Variants in STRA6 observed in about 807,000 individuals in gnomAD.
STRA6 encodes signaling receptor and transporter of retinol STRA6.
A neutral mutation model predicts 83.6 loss-of-function variants in STRA6; 48 were observed. The observed-to-expected ratio is 0.57, with a 90% CI of 0.46 to 0.73. The LOEUF is 0.73. STRA6 is among the 30% of genes least tolerant of loss of function. The pLI, the probability that STRA6 is intolerant of heterozygous loss-of-function variation, is 0.00. For missense variants in STRA6, 760 were observed against 838.8 expected (o/e 0.91, Z 1.16); for synonymous variants, 353 against 362.3 (o/e 0.97, Z 0.29).
Position 74,183,839 on chromosome 15 carries a change from G to A in STRA6, c.1300+17C>T, listed in dbSNP as rs369716171. On this transcript the variant is annotated intron_variant, in intron 14 of 18. Coordinates refer to ENST00000395105, the MANE Select transcript of STRA6 (RefSeq NM_022369.4). The stretch of plus-strand genomic sequence containing the variant: ...GGCCCAGGCCAAGGCTGGGTGTGGC[G>A]GGCAAGGGAGGCTCACCAAGGCAGA... 72 of 1,613,762 alleles carry A rather than the reference G, an allele frequency of 4.5e-5. No individual in the cohort carries two copies. The highest frequency in any genetic ancestry group is 1.6e-4 in the South Asian group (15 of 91,076).
chr15:74,190,968 C>A, intron 10 of STRA6, 67 bp from the exon 11 acceptor site: 8 of 1,607,464 alleles, frequency 5.0e-6, no homozygotes, highest in South Asian at 1.1e-5. Context: ...TCCTCCCTCC[C>A]AAGGGGCCCA....
intron 2 of STRA6, 108 bp from the exon 3 acceptor site, chr15:74,197,926 C>T (rs1005527007): frequency 3.8e-5 from 44 of 1,162,704 alleles, no homozygotes; most frequent in Non-Finnish European, 5.4e-5. Context: ...CACTACCTCC[C>T]TCAACCCTCT....
At position 74,207,933 on chromosome 15, in the gene STRA6, C is replaced by G. The variant is rs1447487898; in HGVS notation, c.-16+867G>C. ...CTCACGGCAGGAAGAGTATGGGTGA[C>G]TCTCCACCTCCTGTCTCTCTACCTC... On this transcript the variant is annotated intron_variant, in intron 1 of 18. Coordinates refer to the STRA6 transcript ENST00000323940. 4 of 1,461,252 alleles carry G rather than the reference C, an allele frequency of 2.7e-6. No homozygotes were observed. The Admixed American group carries it at 8.8e-5, about 32-fold the overall frequency. The allele number at this position is 1,461,252 out of a possible 1,614,324, so 90.5% of individuals were successfully genotyped here.
intron 7 of STRA6, chr15:74,195,047 C>G: frequency 6.9e-7 from 1 of 1,444,660 alleles, no homozygotes; most frequent in East Asian, 2.5e-5. Context: ...CTTCCCCCTA[C>G]TCTGCCCACT....
At chr15:74,211,661 C>T (rs1432070310), upstream of STRA6, among the ~76,000 whole-genome samples, 2 of 152,124 alleles carry the variant, frequency 1.3e-5, no homozygotes, top group South Asian at 4.1e-4. Context: ...ACCTCGGCCT[C>T]CCAAAGTGCT....
chr15:74,208,463 G>C (rs2074311961), intron 1 of STRA6, among the ~76,000 whole-genome samples: 2 of 152,148 alleles, frequency 1.3e-5, no homozygotes, highest in South Asian at 2.1e-4. Context: ...CTGCTGGGCA[G>C]ATCCCCTGAC....
chr15:74,195,729 A>T, intron 5 of STRA6, 54 bp from the exon 6 acceptor site: 2 of 994,458 alleles, frequency 2.0e-6, no homozygotes, highest in South Asian at 1.4e-5. Context: ...GAGAAGGTGG[A>T]TATATAATGC....
chr15:74,195,342 AC>A lies in STRA6; in HGVS notation c.556del (p.Val186SerfsTer34). ...GSTLSWAHLG[V>X]QVWQRAECPQ... ...ACACTCTGCCCTCTGCCAGACCTGG[AC>A]CCCAAGGTGGGCCCAGGACAGCGTG... On this transcript the variant is annotated frameshift_variant, in exon 7 of 19. Coordinates refer to ENST00000395105, the MANE Select transcript of STRA6 (RefSeq NM_022369.4). LOFTEE classifies it high-confidence loss of function. 6.2e-7 allele frequency: 1 copy of A among 1,613,316 alleles called. No homozygotes were observed. Among genetic ancestry groups the A allele is most frequent in the African/African-American group, 1.3e-5 (1 of 74,976 alleles).
At chr15:74,196,594 A>G (rs2073833764) in intron 4 of STRA6, among the ~76,000 whole-genome samples, 1 of 152,166 alleles carries the variant, frequency 6.6e-6, no homozygotes, top group Non-Finnish European at 1.5e-5. Flanking sequence ...AGGGCAAGCC[A>G]CTCAGACCCA....
At chr15:74,196,745 C>A (rs2073839159) in intron 4 of STRA6, among the ~76,000 whole-genome samples, 1 of 152,216 alleles carries the variant, frequency 6.6e-6, no homozygotes, top group Non-Finnish European at 1.5e-5. Flanking sequence ...GCAAGACCTG[C>A]CTCGGTGCAC....
At chr15:74,181,018 A>G in intron 17 of STRA6, 81 bp from the exon 18 acceptor site, 1 of 1,574,050 alleles carries the variant, frequency 6.4e-7, no homozygotes, top group African/African-American at 1.3e-5. Flanking sequence ...ACACACACAC[A>G]GGGAGTGCAC....
intron 8 of STRA6, chr15:74,191,761 C>G (rs2073552735): frequency 1.8e-6 from 1 of 555,456 alleles, no homozygotes; most frequent in South Asian, 2.0e-5. Flanking sequence ...GTCTCCAACT[C>G]TCGCCTGCTT....
At chr15:74,181,188 G>A in intron 17 of STRA6, 107 bp downstream of exon 17, 2 of 1,510,346 alleles carry the variant, frequency 1.3e-6, no homozygotes, top group Non-Finnish European at 1.8e-6. Context: ...TGCAGCTACA[G>A]GCATCGGTGT....
chr15:74,196,436 A>G (rs1198949945), intron 4 of STRA6: 5 of 469,460 alleles, frequency 1.1e-5, no homozygotes, highest in South Asian at 6.4e-5. Flanking sequence ...CCTCCACACT[A>G]ATTGGTCTGT....
At chr15:74,209,522 G>A, upstream of STRA6, 1 of 1,328,044 alleles carries the variant, frequency 7.5e-7, no homozygotes, top group South Asian at 1.3e-5. Flanking sequence ...GGGCTTCAGG[G>A]CTGGAATTCC....
upstream of STRA6, among the ~76,000 whole-genome samples, chr15:74,205,639 G>A (rs1245108912): frequency 1.3e-5 from 2 of 152,212 alleles, no homozygotes; most frequent in Non-Finnish European, 2.9e-5. Context: ...ACCATATCGG[G>A]CACTGAAGAA....
rs539548692 is a variant in STRA6, at chr15:74,184,209, C to T, written c.1167-220G>A. Among the ~76,000 whole-genome samples, 10 of 152,296 alleles carry T rather than the reference C, an allele frequency of 6.6e-5. No homozygotes were observed. In the South Asian group the frequency reaches 1.5e-3, roughly 22 times the overall value. ...TAAACAGTGAACGAGGAATACAAAA[C>T]GAGGCAGAAGGCTCAACCTGAGCCA... On this transcript the variant is annotated intron_variant, in intron 13 of 18. Coordinates refer to ENST00000395105, the MANE Select transcript of STRA6 (RefSeq NM_022369.4).
In STRA6 at chr15:74,189,215, G is replaced by A; in HGVS notation, c.990C>T (p.Thr330=). The change falls in exon 12 of 19, where the codon ACC becomes ACT. Residue 330 remains threonine, a synonymous_variant. Coordinates refer to ENST00000395105, the MANE Select transcript of STRA6 (RefSeq NM_022369.4). The part of the protein sequence containing the change: ...PTIQKVRAGV[T]TDVSYLLAGF... Reference sequence around the variant, plus strand: ...CGGCCAGCAGGTAGGAGACATCCGTGGTGACCCCTGCCCTCACCTTCTGGA... The same window carrying A: ...CGGCCAGCAGGTAGGAGACATCCGTAGTGACCCCTGCCCTCACCTTCTGGA... 3 of 1,612,298 alleles carry A rather than the reference G, an allele frequency of 1.9e-6. No individual in the cohort carries two copies. Among genetic ancestry groups the A allele is most frequent in the South Asian group, 2.2e-5 (2 of 90,504 alleles).
At chr15:74,190,649 T>A (rs752331086) in intron 11 of STRA6, among the ~76,000 whole-genome samples, 191 bp downstream of exon 11, 2 of 151,916 alleles carry the variant, frequency 1.3e-5, no homozygotes, top group Non-Finnish European at 2.9e-5. Context: ...ATGCTCCGAG[T>A]CACTTCATGA....
Sources: allele counts gnomAD v4.1 joint callset (sites outside exome capture counted in the v4.1 genomes callset), GRCh38; gene constraint gnomAD v4.1.1; transcripts MANE v1.5; gene names NCBI Gene and HGNC (gene_info 2026-07-23, HGNC 2026-07-21).